PPM1E: variants seen among roughly 807,000 people sequenced by gnomAD.
PPM1E encodes protein phosphatase 1E.
Under a neutral mutation model 65.9 loss-of-function variants are expected in PPM1E, and 20 were observed. The ratio of observed to expected loss-of-function variants is 0.30; its 90% CI spans 0.21 to 0.44. The LOEUF is 0.44. Ranked by LOEUF, PPM1E falls within the 20% of genes least tolerant of loss-of-function variation. The pLI is 1.00. For missense variants in PPM1E, 713 were observed against 953.1 expected, an observed-to-expected ratio of 0.75 and a Z score of 3.32; for synonymous variants, 352 against 374.9, an observed-to-expected ratio of 0.94 and a Z score of 0.70.
intron 1 of PPM1E, among the ~76,000 whole-genome samples, chr17:58,824,411 T>A (rs2050510998): frequency 6.6e-6 from 1 of 152,182 alleles, no homozygotes; most frequent in Non-Finnish European, 1.5e-5. Context: ...TTTTATAATT[T>A]TGTGTACTCA....
chr17:58,920,757 G>A (rs953113234), intron 1 of PPM1E, among the ~76,000 whole-genome samples: 4 of 152,102 alleles, frequency 2.6e-5, no homozygotes, highest in Non-Finnish European at 4.4e-5. Flanking sequence ...CGAATGAGAG[G>A]TTTGGACCAG....
intron 1 of PPM1E, among the ~76,000 whole-genome samples, chr17:58,894,877 T>C (rs1421234553): frequency 6.6e-6 from 1 of 152,204 alleles, no homozygotes; most frequent in Non-Finnish European, 1.5e-5. Flanking sequence ...GAGTAAAACA[T>C]TGTTTGATAA....
At chr17:58,964,174 T>C (rs905758904) in intron 2 of PPM1E, among the ~76,000 whole-genome samples, 4 of 152,184 alleles carry the variant, frequency 2.6e-5, no homozygotes, top group Non-Finnish European at 5.9e-5. Flanking sequence ...CGTGTAGCCA[T>C]TGCCATCTGT....
At position 58,837,266 on chromosome 17, in the gene PPM1E, A is replaced by G. The variant is rs1339117475; in HGVS notation, c.464+80805A>G. ...CCCTGTCTCTTAAAAAAATTAAAAA[A>G]AAAAAAAAAAAAAAAAGAATTCCCA... On this transcript the variant is annotated intron_variant, in intron 1 of 6. Transcript: ENST00000308249. Among the ~76,000 whole-genome samples the G allele has an allele frequency of 2.7e-5, 4 of 147,676 alleles. 1 individual carries two copies. Among genetic ancestry groups the G allele is most frequent in the Non-Finnish European group, 4.5e-5 (3 of 66,720 alleles).
At chr17:58,917,271 G>A (rs2051695658) in intron 1 of PPM1E, among the ~76,000 whole-genome samples, 1 of 151,212 alleles carries the variant, frequency 6.6e-6, no homozygotes, top group South Asian at 2.1e-4. Context: ...TACACATAAT[G>A]TATTGAGGTG....
chr17:58,973,675 G>A (rs904239416), intron 6 of PPM1E, among the ~76,000 whole-genome samples: 11 of 150,194 alleles, frequency 7.3e-5, no homozygotes, highest in South Asian at 2.1e-4. Context: ...AACAAAGGCC[G>A]GGCGCAGTGG....
intron 1 of PPM1E, among the ~76,000 whole-genome samples, chr17:58,877,702 TCA>T (rs1320355612): frequency 6.6e-6 from 1 of 152,204 alleles, no homozygotes; most frequent in African/African-American, 2.4e-5. Context: ...TTAGTGTGAA[TCA>T]CAGGATTGGG....
chr17:58,923,725 T>A (rs1598652356), intron 1 of PPM1E, among the ~76,000 whole-genome samples: 1 of 140,468 alleles, frequency 7.1e-6, no homozygotes, highest in East Asian at 2.1e-4. Flanking sequence ...CCAGCCTGGG[T>A]GACAGAGTAA....
chr17:58,982,851 A>T lies in PPM1E; in HGVS notation c.*1820A>T. On this transcript the variant is annotated 3_prime_UTR_variant, in exon 7 of 7. Transcript: ENST00000308249. The stretch of plus-strand genomic sequence containing the variant: ...TTTGCCCCACACATGGTCCTCACTC[A>T]TATCTGTCACCTTCTGAAGCCTAGA... 6.0e-6 allele frequency: 9 copies of T among 1,506,316 alleles called. No individual in the cohort carries two copies. Among genetic ancestry groups the T allele is most frequent in the Non-Finnish European group, 8.2e-6 (9 of 1,102,628 alleles). 93.3% of individuals were successfully genotyped at this position (1,506,316 alleles called of 1,614,324 possible).
At chr17:58,963,276 A>G (rs2030098101) in intron 2 of PPM1E, among the ~76,000 whole-genome samples, 1 of 151,092 alleles carries the variant, frequency 6.6e-6, no homozygotes, top group African/African-American at 2.4e-5. Flanking sequence ...AATCCCAGCT[A>G]CTCGGGAGGC....
chr17:58,804,844 G>A (rs1567838440), intron 1 of PPM1E, among the ~76,000 whole-genome samples: 1 of 151,858 alleles, frequency 6.6e-6, no homozygotes, highest in Middle Eastern at 3.4e-3. Context: ...GGGTATTTGG[G>A]GTACCCATCT....
intron 1 of PPM1E, among the ~76,000 whole-genome samples, chr17:58,902,480 T>C (rs1192296760): frequency 1.3e-5 from 2 of 152,168 alleles, no homozygotes; most frequent in African/African-American, 2.4e-5. Context: ...ACCCATTAAG[T>C]ATCATTTATT....
At chr17:58,913,302 A>G (rs2051648501) in intron 1 of PPM1E, among the ~76,000 whole-genome samples, 1 of 152,204 alleles carries the variant, frequency 6.6e-6, no homozygotes, top group Admixed American at 6.5e-5. Context: ...TGTTGAGAGT[A>G]GGAAAAGTGT....
chr17:58,935,605 CAAG>C (rs2051969296), intron 1 of PPM1E, among the ~76,000 whole-genome samples: 1 of 152,130 alleles, frequency 6.6e-6, no homozygotes, highest in Admixed American at 6.5e-5. Context: ...GAAAGGATGA[CAAG>C]AAAGATAGTT....
chr17:58,834,273 A>G (rs986243948), intron 1 of PPM1E, among the ~76,000 whole-genome samples: 4 of 151,826 alleles, frequency 2.6e-5, no homozygotes, highest in Non-Finnish European at 5.9e-5. Flanking sequence ...GAGGTTAGGG[A>G]TTTCCTTATT....
intron 6 of PPM1E, among the ~76,000 whole-genome samples, chr17:58,976,700 G>A (rs544564459): frequency 1.3e-5 from 2 of 152,252 alleles, no homozygotes; most frequent in East Asian, 3.9e-4. Context: ...ATTTGGGGGC[G>A]AAATGTCATG....
intron 1 of PPM1E, among the ~76,000 whole-genome samples, chr17:58,773,399 A>C (rs1015003272): frequency 4.6e-5 from 7 of 152,078 alleles, no homozygotes; most frequent in African/African-American, 1.7e-4. Flanking sequence ...TTATTAGTTT[A>C]ATTTTTCCAT....
intron 1 of PPM1E, among the ~76,000 whole-genome samples, chr17:58,939,571 A>G (rs1237156234): frequency 1.3e-5 from 2 of 152,244 alleles, no homozygotes; most frequent in African/African-American, 4.8e-5. Context: ...ATTCATGAAC[A>G]TAAATAGCCT....
chr17:58,840,244 G>C (rs1019360065), intron 1 of PPM1E, among the ~76,000 whole-genome samples: 1 of 152,182 alleles, frequency 6.6e-6, no homozygotes, highest in Non-Finnish European at 1.5e-5. Context: ...GGTGTCCAGA[G>C]TTTTTGTTGG....
Sources: gnomAD v4.1 joint callset for allele counts (sites outside exome capture counted in the v4.1 genomes callset) on GRCh38, gnomAD v4.1.1 for gene constraint, MANE v1.5 for transcripts, NCBI Gene and HGNC (gene_info 2026-07-23, HGNC 2026-07-21) for gene names.